Variants in PAM observed in about 807,000 individuals in gnomAD.
PAM encodes peptidylglycine alpha-amidating monooxygenase, also known as peptidyl-glycine alpha-amidating monooxygenase.
A neutral mutation model predicts 122.1 loss-of-function variants in PAM; 72 were observed. That is an observed-to-expected ratio of 0.59 (90% confidence interval 0.49 to 0.72). The LOEUF (loss-of-function observed/expected upper bound fraction) is 0.72, where lower values mean the gene tolerates loss of function less well. Ranked by LOEUF, PAM falls within the 30% of genes least tolerant of loss-of-function variation. The probability of loss-of-function intolerance (pLI) is 0.00; values close to 1 mark genes in which losing one functional copy is unlikely to be tolerated. For synonymous variants in PAM, 389 were observed against 404.4 expected, an observed-to-expected ratio of 0.96 and a Z score of 0.46; for missense variants, 1,106 against 1,183.7, an observed-to-expected ratio of 0.93 and a Z score of 0.96.
chr5:102,868,511 T>TA (rs1382270417), intron 3 of PAM, among the ~76,000 whole-genome samples: 2 of 152,218 alleles, frequency 1.3e-5, no homozygotes, highest in African/African-American at 2.4e-5. Flanking sequence ...ATTCAGTTGT[T>TA]ACTGTGCTAG....
intron 3 of PAM, among the ~76,000 whole-genome samples, chr5:102,876,062 C>T (rs1481658397): frequency 6.6e-6 from 1 of 152,120 alleles, no homozygotes; most frequent in African/African-American, 2.4e-5. Flanking sequence ...TTTGGAATAT[C>T]GTATTTCAGA....
At chr5:102,927,836 T>C (rs1701065653) in intron 7 of PAM, among the ~76,000 whole-genome samples, 1 of 151,400 alleles carries the variant, frequency 6.6e-6, no homozygotes, top group Admixed American at 6.6e-5. Flanking sequence ...AAATTTATTT[T>C]TAGATTAAAA....
rs370446182 is a variant in PAM at position 102,768,530 on chromosome 5, A to T, written c.-374+13182A>T. Among the ~76,000 whole-genome samples, 43 of 152,076 alleles carry T rather than the reference A, an allele frequency of 2.8e-4. 1 individual carries two copies. In the East Asian group the frequency reaches 8.0e-3, roughly 28 times the overall value. On this transcript the variant is annotated intron_variant, in intron 1 of 25. Transcript: ENST00000438793. ...GGTCTCTGGTAACCGTCATTCTACT[A>T]TCTCCATGAGTTCAATTGTTTGTAT...
chr5:102,892,722 G>T (rs1187731980), intron 3 of PAM, among the ~76,000 whole-genome samples: 19 of 151,740 alleles, frequency 1.3e-4, no homozygotes, highest in African/African-American at 4.6e-4. Flanking sequence ...GCTAATAGTT[G>T]CCATGAGTAC....
chr5:102,847,867 C>T (rs1350982021), intron 1 of PAM, among the ~76,000 whole-genome samples: 2 of 152,080 alleles, frequency 1.3e-5, no homozygotes, highest in African/African-American at 4.8e-5. Context: ...TCCATTGTGC[C>T]CTATTTTGAG....
intron 24 of PAM, among the ~76,000 whole-genome samples, chr5:103,027,287 T>C (rs1785223690): frequency 1.3e-5 from 2 of 152,206 alleles, no homozygotes; most frequent in South Asian, 4.1e-4. Context: ...TCTAACAGTC[T>C]TACCAGATTC....
intron 23 of PAM, among the ~76,000 whole-genome samples, chr5:103,020,107 G>A (rs1426343671): frequency 6.6e-6 from 1 of 151,978 alleles, no homozygotes; most frequent in Non-Finnish European, 1.5e-5. Flanking sequence ...TGTAACTAGT[G>A]AGCCAGAGAT....
At chr5:103,001,010 T>C (rs1777228414) in intron 16 of PAM, among the ~76,000 whole-genome samples, 1 of 152,100 alleles carries the variant, frequency 6.6e-6, no homozygotes, top group African/African-American at 2.4e-5. Context: ...ACCACACAAT[T>C]TGGGTGGGGA....
chr5:102,901,387 T>C lies in PAM; in HGVS notation c.242T>C (p.Ile81Thr), dbSNP rs771308346. 13 of 1,590,220 alleles carry C rather than the reference T, an allele frequency of 8.2e-6. No individual in the cohort carries two copies. The highest frequency in any genetic ancestry group is 1.1e-5 in the Non-Finnish European group (13 of 1,159,700). The change falls in exon 4 of 26, where the codon ATA becomes ACA. Residue 81 changes from isoleucine (I) to threonine (T), a missense_variant. Ile to Thr is a moderately conservative substitution (Grantham distance 89). Around this residue, in one of 3 missense-constraint regions of PAM, gnomAD observed 670 missense variants for 690.3 expected, o/e 0.97. Transcript: ENST00000438793. Reference sequence around the variant, plus strand: ...ACATACTTCTGCATGTCTATGCGAATACCAGTGGATGAGGAAGCCTTCGTG... The same window carrying C: ...ACATACTTCTGCATGTCTATGCGAACACCAGTGGATGAGGAAGCCTTCGTG... ...SDTYFCMSMR[I>T]PVDEEAFVID... is the part of the protein sequence containing the mutation.
intron 1 of PAM, among the ~76,000 whole-genome samples, chr5:102,778,890 T>C (rs1256275176): frequency 2.0e-5 from 3 of 152,160 alleles, no homozygotes; most frequent in Non-Finnish European, 4.4e-5. Context: ...ATACTTTGTG[T>C]GCATTTGAAT....
chr5:102,933,097 A>C (rs1474153925), intron 7 of PAM, among the ~76,000 whole-genome samples: 1 of 152,232 alleles, frequency 6.6e-6, no homozygotes, highest in African/African-American at 2.4e-5. Flanking sequence ...GAGCCAGTAC[A>C]AAGTTAAGTG....
chr5:102,945,087 C>T (rs539931143), intron 7 of PAM, among the ~76,000 whole-genome samples: 1 of 152,084 alleles, frequency 6.6e-6, no homozygotes, highest in East Asian at 1.9e-4. Context: ...AATAACTAAG[C>T]ATTTAGTGAT....
intron 24 of PAM, among the ~76,000 whole-genome samples, chr5:103,027,447 G>A (rs1162635534): frequency 6.6e-6 from 1 of 152,142 alleles, no homozygotes; most frequent in Non-Finnish European, 1.5e-5. Flanking sequence ...TAGCCCTTGA[G>A]GGAGTGATGA....
chr5:102,987,695 A>G (rs1191530426), intron 15 of PAM: 5 of 345,548 alleles, frequency 1.4e-5, no homozygotes, highest in African/African-American at 1.1e-4. Context: ...GTGGCTCCCA[A>G]TTGCCGGTAG....
At chr5:102,789,564 C>T (rs913055507) in intron 1 of PAM, among the ~76,000 whole-genome samples, 1 of 152,112 alleles carries the variant, frequency 6.6e-6, no homozygotes, top group Non-Finnish European at 1.5e-5. Context: ...TATGATTTCA[C>T]TTACTTGAAG....
chr5:102,760,183 T>A (rs1381336730), intron 1 of PAM, among the ~76,000 whole-genome samples: 3 of 152,226 alleles, frequency 2.0e-5, no homozygotes, highest in African/African-American at 7.2e-5. Context: ...TAGGTTTTAC[T>A]GTCCAGTTTA....
At position 103,007,192 on chromosome 5, in the gene PAM, T is replaced by TACACACACACAC. The variant is rs56140031; in HGVS notation, c.2014+200_2014+211dup. Among the ~76,000 whole-genome samples the TACACACACACAC allele has an allele frequency of 4.0e-3, 571 of 141,558 alleles. 2 individuals are homozygous for TACACACACACAC. Among genetic ancestry groups the TACACACACACAC allele is most frequent in the African/African-American group, 9.7e-3 (377 of 38,726 alleles). The allele number at this position is 141,558 out of a possible 152,430, so 92.9% of individuals were successfully genotyped here. A position where few individuals can be genotyped will look rare whatever the true frequency, so the allele number is the denominator to read the frequency against. ...ACACACACACACACACACATATACA[T>TACACACACACAC]ACACACACACACACACACACACACA... is the stretch of plus-strand genomic sequence containing the variant. On this transcript the variant is annotated intron_variant, in intron 19 of 25. Coordinates refer to ENST00000438793, the MANE Select transcript of PAM (RefSeq NM_001177306.2).
Position 103,019,944 on chromosome 5 carries a change from A to G in PAM, c.2485+101A>G, listed in dbSNP as rs1008656853. The G allele has an allele frequency of 1.6e-5, 13 of 790,824 alleles. No individual in the cohort carries two copies. In the African/African-American group the frequency reaches 2.0e-4, roughly 12 times the overall value. 49.0% of individuals were successfully genotyped at this position (790,824 alleles called of 1,614,324 possible). On this transcript the variant is annotated intron_variant, in intron 23 of 25. Coordinates refer to ENST00000438793, the MANE Select transcript of PAM (RefSeq NM_001177306.2). ...CTTAAAAAATTACCAGGCTAAAAAT[A>G]TAATCTGGTAAATTATCAGTGACTT...
At chr5:103,021,301 A>T (rs918870285) in intron 23 of PAM, among the ~76,000 whole-genome samples, 8 of 152,178 alleles carry the variant, frequency 5.3e-5, no homozygotes, top group Non-Finnish European at 1.2e-4. Context: ...ATTCACTATA[A>T]ATTCTCCCAA....
Sources: gnomAD v4.1 joint callset for allele counts (sites outside exome capture counted in the v4.1 genomes callset) on GRCh38, gnomAD v4.1.1 for gene constraint, gnomAD v4.1.1 regional missense constraint, MANE v1.5 for transcripts, NCBI Gene and HGNC (gene_info 2026-07-23, HGNC 2026-07-21) for gene names.